ARHGAP25: variants seen among roughly 807,000 people sequenced by gnomAD.
The protein encoded by ARHGAP25 is Rho GTPase activating protein 25, also known as rho GTPase-activating protein 25.
Under a neutral mutation model 71.0 loss-of-function variants are expected in ARHGAP25, and 34 were observed. The observed-to-expected ratio is 0.48, with a 90% CI of 0.36 to 0.64. The LOEUF is 0.64. Among genes scored for constraint, ARHGAP25 ranks in the 30% least tolerant of loss-of-function variants. The pLI is 0.00. For missense variants in ARHGAP25, 706 were observed against 805.1 expected (o/e 0.88, Z 1.49); for synonymous variants, 282 against 296.5 (o/e 0.95, Z 0.50).
At chr2:68,792,430 T>C in intron 4 of ARHGAP25, among the ~76,000 whole-genome samples, 1 of 152,190 alleles carries the variant, frequency 6.6e-6, no homozygotes, top group East Asian at 1.9e-4. Context: ...CCTTCTGAGT[T>C]TCTGTTGTCC....
chr2:68,797,738 T>C (rs1679664476), intron 4 of ARHGAP25, among the ~76,000 whole-genome samples: 1 of 152,242 alleles, frequency 6.6e-6, no homozygotes, highest in Non-Finnish European at 1.5e-5. Context: ...GTGTAGGACA[T>C]TCCCTGGAGC....
At chr2:68,724,715 G>A (rs7607526) in intron 2 of ARHGAP25, among the ~76,000 whole-genome samples, 37,590 of 151,944 alleles carry the variant, frequency 0.25, 5,156 homozygotes, top group East Asian at 0.47. Flanking sequence ...CCTAATGCAG[G>A]CCTATCTCCA....
upstream of ARHGAP25, among the ~76,000 whole-genome samples, chr2:68,733,023 T>C (rs550230695): frequency 1.3e-5 from 2 of 152,186 alleles, no homozygotes; most frequent in Non-Finnish European, 2.9e-5. Flanking sequence ...TTTAAAGCCT[T>C]GAGACAGATG....
intron 1 of ARHGAP25, among the ~76,000 whole-genome samples, chr2:68,759,053 G>A (rs1451390333): frequency 1.3e-5 from 2 of 151,670 alleles, no homozygotes; most frequent in African/African-American, 4.8e-5. Context: ...ATACTTAGAG[G>A]TGAATGAAAA....
intron 5 of ARHGAP25, among the ~76,000 whole-genome samples, chr2:68,810,128 T>TAAAAAAAAAAA (rs11332513): frequency 7.7e-6 from 1 of 129,146 alleles, no homozygotes. Context: ...AGCCCTTGAT[T>TAAAAAAAAAAA]AAAAAAAAAA....
chr2:68,742,450 T>A (rs376537897), intron 1 of ARHGAP25, among the ~76,000 whole-genome samples: 2 of 152,222 alleles, frequency 1.3e-5, no homozygotes, highest in South Asian at 2.1e-4. Flanking sequence ...CCCAGTATCA[T>A]CGATCGGTCA....
chr2:68,817,992 G>A lies in ARHGAP25; in HGVS notation c.1001G>A (p.Arg334Lys), dbSNP rs1473999787. 1 of 1,614,032 alleles carries A rather than the reference G, an allele frequency of 6.2e-7. No individual in the cohort carries two copies. The highest frequency in any genetic ancestry group is 1.1e-5 in the South Asian group (1 of 91,056). Reference protein sequence around the residue: ...SKVEDPAVIMRGTPQIQRVMT... With the variant: ...SKVEDPAVIMKGTPQIQRVMT... ...GTCGAAGACCCTGCCGTGATCATGA[G>A]AGGTATGGCTGGTCCCGTAGTGAAA... Residue 334 changes from arginine (R) to lysine (K), a missense_variant and splice_region_variant, in exon 8 of 11, where the codon AGA (arginine) becomes AAA (lysine). Transcript: ENST00000409202.
At chr2:68,821,906 G>GTTTTTTTTTT (rs59964574) in intron 9 of ARHGAP25, among the ~76,000 whole-genome samples, 3 of 81,642 alleles carry the variant, frequency 3.7e-5, no homozygotes, top group African/African-American at 5.2e-5. Flanking sequence ...CTTTTTGCTA[G>GTTTTTTTTTT]TTTTTTTTTT....
chr2:68,768,426 G>A (rs752782423), intron 1 of ARHGAP25, among the ~76,000 whole-genome samples: 6 of 152,222 alleles, frequency 3.9e-5, no homozygotes, highest in Middle Eastern at 3.4e-3. Flanking sequence ...CTCACATTTC[G>A]TTCTAAAACA....
At chr2:68,821,062 A>T (rs1449270813) in intron 9 of ARHGAP25, among the ~76,000 whole-genome samples, 3 of 149,460 alleles carry the variant, frequency 2.0e-5, no homozygotes, top group Non-Finnish European at 4.4e-5. Context: ...ATAGATGAAC[A>T]CACTGCCTTC....
intron 10 of ARHGAP25, among the ~76,000 whole-genome samples, chr2:68,823,656 G>A (rs57966372): frequency 0.34 from 51,650 of 151,940 alleles, 8,923 homozygotes; most frequent in East Asian, 0.43. Context: ...AGGCCAGGAC[G>A]CAGTAGGGTT....
intron 1 of ARHGAP25, among the ~76,000 whole-genome samples, chr2:68,766,428 T>C (rs920132864): frequency 6.6e-6 from 1 of 152,168 alleles, no homozygotes; most frequent in Non-Finnish European, 1.5e-5. Context: ...CTTCTTGTTA[T>C]TACACGTGGC....
chr2:68,761,297 G>A (rs1397996088), intron 1 of ARHGAP25, among the ~76,000 whole-genome samples: 4 of 152,018 alleles, frequency 2.6e-5, no homozygotes, highest in Admixed American at 1.3e-4. Flanking sequence ...AGAAGAAGAC[G>A]TGGGGCAAAA....
intron 1 of ARHGAP25, among the ~76,000 whole-genome samples, chr2:68,764,735 AG>A (rs1677025658): frequency 6.6e-6 from 1 of 151,892 alleles, no homozygotes; most frequent in African/African-American, 2.4e-5. Flanking sequence ...GTTCCTCTCT[AG>A]GTGTTGTTAG....
chr2:68,736,174 G>C (rs1675211713), intron 1 of ARHGAP25, among the ~76,000 whole-genome samples: 1 of 152,296 alleles, frequency 6.6e-6, no homozygotes, highest in East Asian at 1.9e-4. Context: ...CTCTAATGGG[G>C]TTAAGTGTGC....
At chr2:68,746,898 C>T (rs1214959309) in intron 1 of ARHGAP25, among the ~76,000 whole-genome samples, 3 of 151,360 alleles carry the variant, frequency 2.0e-5, no homozygotes, top group Admixed American at 2.0e-4. Context: ...ATCCCACCTA[C>T]TCGGGAGGCT....
chr2:68,821,017 G>A (rs1272300857), intron 9 of ARHGAP25, among the ~76,000 whole-genome samples: 1 of 150,730 alleles, frequency 6.6e-6, no homozygotes, highest in Non-Finnish European at 1.5e-5. Flanking sequence ...TTCTAGAGGT[G>A]TATAGTGTCC....
At chr2:68,755,687 G>A (rs892544006) in intron 1 of ARHGAP25, among the ~76,000 whole-genome samples, 4 of 152,108 alleles carry the variant, frequency 2.6e-5, no homozygotes, top group African/African-American at 4.8e-5. Flanking sequence ...TCTACCTACC[G>A]CTCTTGCGTC....
chr2:68,735,034 G>A lies in ARHGAP25; in HGVS notation c.-166G>A. 2 of 666,004 alleles carry A rather than the reference G, an allele frequency of 3.0e-6. No individual in the cohort carries two copies. Among genetic ancestry groups the A allele is most frequent in the Admixed American group, 4.8e-5 (2 of 41,814 alleles). 41.3% of individuals were successfully genotyped at this position (666,004 alleles called of 1,614,324 possible). ...GGACCTTTCATCTAAGAGAAAGGAG[G>A]AGACACGTTGGCAAATCAGCCTCAA... On this transcript the variant is annotated 5_prime_UTR_variant, in exon 1 of 11. Transcript: ENST00000409202.
Sources: gnomAD v4.1 joint callset for allele counts (sites outside exome capture counted in the v4.1 genomes callset) on GRCh38, gnomAD v4.1.1 for gene constraint, MANE v1.5 for transcripts, NCBI Gene and HGNC (gene_info 2026-07-23, HGNC 2026-07-21) for gene names.